Variants in SSBP3 observed in about 807,000 individuals in gnomAD.
SSBP3 encodes single stranded DNA binding protein 3, also known as single-stranded DNA-binding protein 3.
A neutral mutation model predicts 69.6 loss-of-function variants in SSBP3; 5 were observed. That is an observed-to-expected ratio of 0.07 (90% CI 0.04 to 0.15). The LOEUF is 0.15. Ranked by LOEUF, SSBP3 falls within the 10% of genes least tolerant of loss-of-function variation. The probability of loss-of-function intolerance (pLI) is 1.00; values close to 1 mark genes in which losing one functional copy is unlikely to be tolerated. For synonymous variants in SSBP3, 196 were observed against 193.4 expected (o/e 1.01, Z -0.11); for missense variants, 312 against 534.0 (o/e 0.58, Z 4.10).
chr1:54,390,911 G>A (rs1371843739), intron 4 of SSBP3, among the ~76,000 whole-genome samples: 2 of 152,248 alleles, frequency 1.3e-5, no homozygotes, highest in African/African-American at 4.8e-5. Context: ...CCGGCGAGCA[G>A]AGACCGGCAG....
At chr1:54,371,276 A>T (rs1647128712) in intron 4 of SSBP3, among the ~76,000 whole-genome samples, 1 of 152,262 alleles carries the variant, frequency 6.6e-6, no homozygotes, top group Admixed American at 6.5e-5. Context: ...CATTAACTCC[A>T]GCACCGAGGA....
chr1:54,250,357 G>A (rs1176623565), intron 9 of SSBP3, among the ~76,000 whole-genome samples: 1 of 152,058 alleles, frequency 6.6e-6, no homozygotes, highest in Non-Finnish European at 1.5e-5. Flanking sequence ...GAAGAAAGCG[G>A]TGGCTTGGGC....
At chr1:54,351,752 T>C (rs547013546) in intron 4 of SSBP3, among the ~76,000 whole-genome samples, 4 of 152,262 alleles carry the variant, frequency 2.6e-5, no homozygotes, top group African/African-American at 9.6e-5. Context: ...CGCTGGGCCT[T>C]TATGGGAGCC....
intron 9 of SSBP3, among the ~76,000 whole-genome samples, chr1:54,251,258 TACCTC>T (rs1439315352): frequency 6.6e-6 from 1 of 152,162 alleles, no homozygotes; most frequent in East Asian, 1.9e-4. Context: ...ATCTCAAGTC[TACCTC>T]ACCCAGGGGA....
chr1:54,382,611 G>C (rs1268719177), intron 4 of SSBP3, among the ~76,000 whole-genome samples: 1 of 152,142 alleles, frequency 6.6e-6, no homozygotes, highest in African/African-American at 2.4e-5. Context: ...ATACTATTAG[G>C]ACAATTTTAG....
At chr1:54,356,708 C>T (rs1646873667) in intron 4 of SSBP3, 1 of 152,264 alleles carries the variant, frequency 6.6e-6, no homozygotes, top group South Asian at 2.1e-4. Flanking sequence ...GAGCCGACAT[C>T]CAAAGGGGGC....
intron 9 of SSBP3, among the ~76,000 whole-genome samples, chr1:54,250,887 T>C (rs1240929266): frequency 6.6e-6 from 1 of 152,166 alleles, no homozygotes; most frequent in Non-Finnish European, 1.5e-5. Flanking sequence ...TGGACACCCC[T>C]ACCTGGGGGA....
intron 4 of SSBP3, 96 bp downstream of exon 4, chr1:54,401,765 G>A (rs1251131373): frequency 5.0e-6 from 5 of 998,880 alleles, no homozygotes; most frequent in Non-Finnish European, 7.7e-6. Flanking sequence ...AGCAAATAAA[G>A]ACCACTGCGA....
chr1:54,242,093 G>C (rs147840031), intron 11 of SSBP3, 71 bp downstream of exon 11: 2 of 1,563,814 alleles, frequency 1.3e-6, no homozygotes, highest in Admixed American at 3.4e-5. Flanking sequence ...CCTACACCCA[G>C]GGACAGTAGC....
At chr1:54,323,754 C>T (rs1557531349) in intron 4 of SSBP3, among the ~76,000 whole-genome samples, 2 of 152,184 alleles carry the variant, frequency 1.3e-5, no homozygotes. Context: ...CAGAGGAAGG[C>T]TCTGCCCCAG....
chr1:54,240,065 TGTGTGTGTGTGTGTGTGTGTGTGC>T (rs1157423704), intron 13 of SSBP3, among the ~76,000 whole-genome samples: 7 of 34,920 alleles, frequency 2.0e-4, no homozygotes, highest in East Asian at 1.3e-3. Context: ...TGTGTGTGTG[TGTGTGTGTGTGTGTGTGTGTGTGC>T]GCGCGCGCGC....
intron 4 of SSBP3, among the ~76,000 whole-genome samples, chr1:54,310,976 C>A (rs750518419): frequency 6.6e-6 from 1 of 152,228 alleles, no homozygotes; most frequent in Non-Finnish European, 1.5e-5. Context: ...CAGGTCCCCA[C>A]CCACAATCTC....
intron 4 of SSBP3, among the ~76,000 whole-genome samples, chr1:54,375,918 C>T (rs1376076968): frequency 1.3e-5 from 2 of 152,042 alleles, no homozygotes; most frequent in Non-Finnish European, 2.9e-5. Context: ...TGGTGCTGAC[C>T]AGGCTCTGGG....
chr1:54,403,743 T>C (rs1049131290), intron 3 of SSBP3, among the ~76,000 whole-genome samples: 2 of 152,142 alleles, frequency 1.3e-5, no homozygotes, highest in African/African-American at 4.8e-5. Context: ...CTCTGCTTTC[T>C]TTTCTTTTTC....
chr1:54,356,199 A>G (rs537050699), intron 4 of SSBP3, among the ~76,000 whole-genome samples: 2 of 152,310 alleles, frequency 1.3e-5, no homozygotes, highest in South Asian at 4.1e-4. Flanking sequence ...TAGCGTGCAG[A>G]TGAGCCCAAA....
intron 14 of SSBP3, among the ~76,000 whole-genome samples, chr1:54,234,910 C>T (rs1348907028): frequency 6.6e-6 from 1 of 152,142 alleles, no homozygotes; most frequent in African/African-American, 2.4e-5. Context: ...TACAGGCATA[C>T]ACCACTGTAC....
chr1:54,296,605 G>A (rs887189710), intron 4 of SSBP3, among the ~76,000 whole-genome samples: 1 of 152,242 alleles, frequency 6.6e-6, no homozygotes, highest in African/African-American at 2.4e-5. Flanking sequence ...GTTTTCCCAA[G>A]ATGTCTGTGC....
intron 4 of SSBP3, among the ~76,000 whole-genome samples, chr1:54,377,849 T>C (rs1465317973): frequency 2.6e-5 from 4 of 152,214 alleles, no homozygotes; most frequent in Non-Finnish European, 5.9e-5. Context: ...GAATAAAATA[T>C]ATCATGTAAA....
rs1647021812 is a variant in SSBP3, at chr1:54,365,841, A to G, written c.276+36020T>C. 1.3e-5 allele frequency among the ~76,000 whole-genome samples: 2 copies of G among 152,232 alleles called. 1 individual carries two copies. Among genetic ancestry groups the G allele is most frequent in the South Asian group, 4.1e-4 (2 of 4,832 alleles). On this transcript the variant is annotated intron_variant, in intron 4 of 17. Transcript: ENST00000610401. The stretch of plus-strand genomic sequence containing the variant: ...GCTGCACAACCTAACTGTTAAGAGC[A>G]CTGACTCTAGAAGAACTAGTTTGCC...
Sources: allele counts gnomAD v4.1 joint callset (sites outside exome capture counted in the v4.1 genomes callset), GRCh38; gene constraint gnomAD v4.1.1; transcripts MANE v1.5; gene names NCBI Gene and HGNC (gene_info 2026-07-23, HGNC 2026-07-21).